The following DOK6 variants were observed in gnomAD, a reference collection of about 807,000 sequenced individuals.
The protein encoded by DOK6 is docking protein 6.
Under a neutral mutation model 44.0 loss-of-function variants are expected in DOK6, and 22 were observed. The observed-to-expected ratio is 0.50, with a 90% CI of 0.36 to 0.71. DOK6 has a LOEUF of 0.71. Ranked by LOEUF, DOK6 falls within the 30% of genes least tolerant of loss-of-function variation. The pLI, the probability that DOK6 is intolerant of heterozygous loss-of-function variation, is 0.00. For synonymous variants in DOK6, 166 were observed against 145.5 expected, an observed-to-expected ratio of 1.14 and a Z score of -1.01; for missense variants, 340 against 416.4, an observed-to-expected ratio of 0.82 and a Z score of 1.60.
At chr18:69,597,533 C>T (rs565317615) in intron 2 of DOK6, among the ~76,000 whole-genome samples, 6 of 46,382 alleles carry the variant, frequency 1.3e-4, no homozygotes, top group Admixed American at 1.0e-3. Context: ...GTATCACAGT[C>T]TCTTTAACTT....
chr18:69,461,769 T>G lies in DOK6; in HGVS notation c.66+60459T>G, dbSNP rs562701498. The stretch of plus-strand genomic sequence containing the variant: ...CAAATTTTTGAAGTGACTTCATATG[T>G]CTTTGTGTATGTGTACATGTGTCTT... On this transcript the variant is annotated intron_variant, in intron 1 of 7. Coordinates refer to ENST00000382713, the MANE Select transcript of DOK6 (RefSeq NM_152721.6). 2.1e-3 allele frequency among the ~76,000 whole-genome samples: 315 copies of G among 152,324 alleles called. 1 individual carries two copies. Among genetic ancestry groups the G allele is most frequent in the African/African-American group, 7.4e-3 (309 of 41,558 alleles).
chr18:69,673,086 C>A (rs536789077), intron 3 of DOK6, among the ~76,000 whole-genome samples: 42 of 152,274 alleles, frequency 2.8e-4, no homozygotes, highest in Admixed American at 2.6e-3. Context: ...TAAAAGCTAA[C>A]TCCAGTGGGA....
At chr18:69,527,242 G>A (rs1981855090) in intron 1 of DOK6, among the ~76,000 whole-genome samples, 1 of 152,164 alleles carries the variant, frequency 6.6e-6, no homozygotes, top group South Asian at 2.1e-4. Flanking sequence ...TATTTGTAAT[G>A]TGTATTAGTC....
At chr18:69,560,290 A>G (rs1329173215) in intron 1 of DOK6, among the ~76,000 whole-genome samples, 1 of 152,178 alleles carries the variant, frequency 6.6e-6, no homozygotes, top group African/African-American at 2.4e-5. Flanking sequence ...CCTGAATTCT[A>G]ATACAAAAGT....
chr18:69,434,082 C>G (rs576850057), intron 1 of DOK6, among the ~76,000 whole-genome samples: 9 of 152,262 alleles, frequency 5.9e-5, no homozygotes, highest in Non-Finnish European at 1.2e-4. Flanking sequence ...AACTTCTCTT[C>G]CAAGCATAAT....
intron 1 of DOK6, chr18:69,483,756 A>G: frequency 6.6e-6 from 1 of 152,106 alleles, no homozygotes; most frequent in East Asian, 1.9e-4. Flanking sequence ...ACAGTGCCTT[A>G]GCAGGCATGC....
intron 1 of DOK6, among the ~76,000 whole-genome samples, chr18:69,413,272 T>C (rs1443777829): frequency 6.6e-6 from 1 of 152,080 alleles, no homozygotes; most frequent in Non-Finnish European, 1.5e-5. Flanking sequence ...TTTAGAGTAG[T>C]GAATATTAAA....
intron 3 of DOK6, among the ~76,000 whole-genome samples, chr18:69,603,018 T>G (rs1568308208): frequency 6.6e-6 from 1 of 152,224 alleles, no homozygotes; most frequent in Non-Finnish European, 1.5e-5. Context: ...GATGTTTACC[T>G]AGTGTCATGA....
intron 5 of DOK6, among the ~76,000 whole-genome samples, chr18:69,718,252 C>A (rs1389291018): frequency 6.6e-6 from 1 of 152,104 alleles, no homozygotes; most frequent in South Asian, 2.1e-4. Flanking sequence ...CATTCAGGAA[C>A]CTCCCTCTCT....
intron 2 of DOK6, among the ~76,000 whole-genome samples, chr18:69,598,318 AAT>A (rs1014251388): frequency 3.3e-5 from 5 of 151,836 alleles, no homozygotes; most frequent in African/African-American, 1.2e-4. Context: ...TGTTTATAAA[AAT>A]ATTAATCAGC....
chr18:69,420,319 A>G (rs1978453727), intron 1 of DOK6, among the ~76,000 whole-genome samples: 2 of 152,120 alleles, frequency 1.3e-5, no homozygotes, highest in Admixed American at 6.6e-5. Flanking sequence ...AAAATTTCAA[A>G]TAGTATATAC....
chr18:69,762,877 C>T (rs1295970438), intron 7 of DOK6, among the ~76,000 whole-genome samples: 2 of 152,200 alleles, frequency 1.3e-5, no homozygotes, highest in African/African-American at 2.4e-5. Flanking sequence ...CTGCATCTAC[C>T]TTCATCTTTG....
At chr18:69,554,014 TC>T (rs1982628760) in intron 1 of DOK6, among the ~76,000 whole-genome samples, 2 of 152,258 alleles carry the variant, frequency 1.3e-5, no homozygotes, top group South Asian at 4.1e-4. Context: ...TGTTCCTATA[TC>T]ACTTTTTCTT....
At chr18:69,780,569 G>T (rs1398346681) in intron 7 of DOK6, among the ~76,000 whole-genome samples, 4 of 152,186 alleles carry the variant, frequency 2.6e-5, no homozygotes, top group African/African-American at 7.2e-5. Flanking sequence ...TCCAGCCTGG[G>T]CAACAGACCA....
At chr18:69,490,525 A>G (rs1487525212) in intron 1 of DOK6, among the ~76,000 whole-genome samples, 1 of 152,228 alleles carries the variant, frequency 6.6e-6, no homozygotes, top group Non-Finnish European at 1.5e-5. Flanking sequence ...AATTTGATTC[A>G]TTAATATATG....
At chr18:69,506,792 A>G (rs746248598) in intron 1 of DOK6, among the ~76,000 whole-genome samples, 7 of 151,996 alleles carry the variant, frequency 4.6e-5, no homozygotes, top group Non-Finnish European at 8.8e-5. Flanking sequence ...GTGTGTGTAC[A>G]TTCAGTATTA....
At chr18:69,563,961 C>T (rs1982906806) in intron 1 of DOK6, among the ~76,000 whole-genome samples, 1 of 151,986 alleles carries the variant, frequency 6.6e-6, no homozygotes, top group Admixed American at 6.6e-5. Flanking sequence ...ATAAATACTT[C>T]CTATTACAGA....
At chr18:69,421,710 G>T (rs1283225390) in intron 1 of DOK6, among the ~76,000 whole-genome samples, 1 of 152,182 alleles carries the variant, frequency 6.6e-6, no homozygotes, top group Non-Finnish European at 1.5e-5. Context: ...AAAGTGGAAA[G>T]CTATGATGTT....
At chr18:69,706,664 ATCCC>A (rs1986641434) in intron 5 of DOK6, among the ~76,000 whole-genome samples, 1 of 108,064 alleles carries the variant, frequency 9.3e-6, no homozygotes, top group Non-Finnish European at 1.9e-5. Context: ...TCCTAATGCT[ATCCC>A]TCCCCCCCTC....
Sources: gnomAD v4.1 joint callset for allele counts (sites outside exome capture counted in the v4.1 genomes callset) on GRCh38, gnomAD v4.1.1 for gene constraint, MANE v1.5 for transcripts, NCBI Gene and HGNC (gene_info 2026-07-23, HGNC 2026-07-21) for gene names.